Variants in HEG1 observed in about 807,000 individuals in gnomAD.
The protein encoded by HEG1 is protein HEG homolog 1.
In HEG1, 56 loss-of-function variants were observed where a neutral mutation model predicts 125.6. That is an observed-to-expected ratio of 0.45 (90% CI 0.36 to 0.56). HEG1 has a LOEUF of 0.56. Among genes scored for constraint, HEG1 ranks in the 20% least tolerant of loss-of-function variants. The pLI is 0.00. For synonymous variants in HEG1, 644 were observed against 668.5 expected (o/e 0.96, Z 0.57); for missense variants, 1,523 against 1,670.0 (o/e 0.91, Z 1.53).
chr3:125,037,819 T>C (rs557347040), intron 1 of HEG1, among the ~76,000 whole-genome samples: 7 of 152,338 alleles, frequency 4.6e-5, no homozygotes, highest in African/African-American at 1.7e-4. Flanking sequence ...AGTCAGACCA[T>C]GTAGGTTAGA....
chr3:125,032,083 T>C (rs925286777), intron 1 of HEG1, among the ~76,000 whole-genome samples: 1 of 152,242 alleles, frequency 6.6e-6, no homozygotes, highest in African/African-American at 2.4e-5. Context: ...GTGTTAAACA[T>C]TTAAAATCCA....
intron 5 of HEG1, among the ~76,000 whole-genome samples, chr3:125,016,774 T>C (rs997797015): frequency 2.6e-5 from 4 of 152,236 alleles, no homozygotes; most frequent in African/African-American, 9.7e-5. Context: ...TTTAAACCTA[T>C]TCAAAGCTTA....
chr3:125,035,882 C>G (rs187233341), intron 1 of HEG1, among the ~76,000 whole-genome samples: 1 of 151,964 alleles, frequency 6.6e-6, no homozygotes, highest in African/African-American at 2.4e-5. Flanking sequence ...ATAGCAGAAG[C>G]GTAACTTTGA....
chr3:125,046,149 C>T (rs898869307), intron 1 of HEG1, among the ~76,000 whole-genome samples: 3 of 152,050 alleles, frequency 2.0e-5, no homozygotes, highest in South Asian at 2.1e-4. Flanking sequence ...CAGAGCTCCA[C>T]GGCATCTCTC....
intron 1 of HEG1, among the ~76,000 whole-genome samples, chr3:125,038,271 G>A (rs923358482): frequency 2.6e-5 from 4 of 152,150 alleles, no homozygotes; most frequent in Non-Finnish European, 2.9e-5. Context: ...TCCACTCCAC[G>A]ACACCTCTCC....
intron 12 of HEG1, among the ~76,000 whole-genome samples, chr3:124,996,874 G>C (rs1387294623): frequency 6.6e-6 from 1 of 152,184 alleles, no homozygotes; most frequent in Non-Finnish European, 1.5e-5. Flanking sequence ...TCTGGTGATT[G>C]CAAGTTGCAG....
rs1392149253 is a variant in HEG1 at position 125,046,432 on chromosome 3, CACAT to C, written c.316+9139_316+9142del. 3.0e-3 allele frequency among the ~76,000 whole-genome samples: 292 copies of C among 96,068 alleles called. 1 individual carries two copies. The highest frequency in any genetic ancestry group is 0.015 in the African/African-American group (253 of 16,704). The allele number at this position is 96,068 out of a possible 152,430, so 63.0% of individuals were successfully genotyped here. ...ACACACACACACACACACACACACA[CACAT>C]ATATATTTTTTTAATTATACAGATG... On this transcript the variant is annotated intron_variant, in intron 1 of 16. Coordinates refer to ENST00000311127, the MANE Select transcript of HEG1 (RefSeq NM_020733.2).
chr3:125,039,051 G>A (rs1937571283), intron 1 of HEG1, among the ~76,000 whole-genome samples: 1 of 152,166 alleles, frequency 6.6e-6, no homozygotes, highest in South Asian at 2.1e-4. Flanking sequence ...CCATTTCTCA[G>A]GTATCTTTTG....
At chr3:125,036,854 T>C (rs114376019) in intron 1 of HEG1, among the ~76,000 whole-genome samples, 1,623 of 152,304 alleles carry the variant, frequency 0.011, 10 homozygotes, top group Non-Finnish European at 0.016. Flanking sequence ...TTGGTAAAAA[T>C]ACAATTAACA....
intron 11 of HEG1, among the ~76,000 whole-genome samples, chr3:125,000,842 G>A (rs1033273255): frequency 1.3e-5 from 2 of 152,216 alleles, no homozygotes; most frequent in Non-Finnish European, 2.9e-5. Flanking sequence ...TGCCAGATGG[G>A]TGGTTTAGAC....
chr3:125,027,291 C>A lies in HEG1; in HGVS notation c.827G>T (p.Arg276Met). Residue 276 changes from arginine to methionine, a missense_variant, in exon 3 of 17, where the codon AGG becomes ATG. Coordinates refer to ENST00000311127, the MANE Select transcript of HEG1 (RefSeq NM_020733.2). The part of the protein sequence containing the change: ...LEMGELTTPS[R>M]KRNSSGPDLS... ...ATCTGGTCCTGAGGAATTTCTCTTC[C>A]TAGAAGGCGTGGTCAGCTCTCCCAT... is the stretch of plus-strand genomic sequence containing the variant. 6.2e-7 allele frequency: 1 copy of A among 1,613,676 alleles called. No individual in the cohort carries two copies. The highest frequency in any genetic ancestry group is 8.5e-7 in the Non-Finnish European group (1 of 1,179,788).
chr3:124,973,388 G>T (rs996095524), intron 16 of HEG1, among the ~76,000 whole-genome samples: 1 of 152,146 alleles, frequency 6.6e-6, no homozygotes, highest in African/African-American at 2.4e-5. Flanking sequence ...TGGCAGACAG[G>T]AGATAAAAAT....
chr3:125,039,863 C>G lies in HEG1; in HGVS notation c.317-10375G>C, dbSNP rs564341546. ...AAAAAAAAAAAACAACAAAAAAAAA[C>G]AAGTCCCCCACAAAAAGCCAAACTG... On this transcript the variant is annotated intron_variant, in intron 1 of 16. Coordinates refer to ENST00000311127, the MANE Select transcript of HEG1 (RefSeq NM_020733.2). Among the ~76,000 whole-genome samples the G allele has an allele frequency of 5.3e-3, 744 of 140,826 alleles. 5 individuals carry two copies. Among genetic ancestry groups the G allele is most frequent in the South Asian group, 0.015 (66 of 4,282 alleles). 92.4% of individuals were successfully genotyped at this position (140,826 alleles called of 152,430 possible).
chr3:125,033,966 C>A (rs1937522767), intron 1 of HEG1, among the ~76,000 whole-genome samples: 2 of 151,880 alleles, frequency 1.3e-5, no homozygotes, highest in South Asian at 4.2e-4. Context: ...CCGGCCCACC[C>A]CACCCCGCCC....
At chr3:125,001,318 C>T (rs986121902) in intron 11 of HEG1, among the ~76,000 whole-genome samples, 2 of 151,836 alleles carry the variant, frequency 1.3e-5, no homozygotes, top group African/African-American at 4.8e-5. Context: ...CAGGGTCTCA[C>T]TCTGTGGCCC....
Position 125,013,957 on chromosome 3 carries a change from G to A in HEG1, c.1622C>T (p.Thr541Ile), listed in dbSNP as rs758833735. 5 of 1,612,344 alleles carry A rather than the reference G, an allele frequency of 3.1e-6. No homozygotes were observed. The African/African-American group carries it at 4.0e-5, about 13-fold the overall frequency. Reference sequence around the variant, plus strand: ...GCTGGAAGTCCTTTGTTCAATAGCTGTGCCACGCACTTGACCGTAGCTAAT... The same window carrying A: ...GCTGGAAGTCCTTTGTTCAATAGCTATGCCACGCACTTGACCGTAGCTAAT... ...AGISYGQVRGTAIEQRTSSDH... is the reference protein window; with the variant it reads ...AGISYGQVRGIAIEQRTSSDH... Residue 541 changes from threonine to isoleucine, a missense_variant, in exon 6 of 17, where the codon ACA becomes ATA. Coordinates refer to ENST00000311127, the MANE Select transcript of HEG1 (RefSeq NM_020733.2).
intron 5 of HEG1, among the ~76,000 whole-genome samples, chr3:125,016,896 A>G (rs1227323955): frequency 6.6e-6 from 1 of 152,226 alleles, no homozygotes; most frequent in Admixed American, 6.5e-5. Flanking sequence ...AGAAACATCA[A>G]AAGAAAAATT....
chr3:125,027,142 G>A, intron 3 of HEG1, 63 bp downstream of exon 3: 1 of 1,395,412 alleles, frequency 7.2e-7, no homozygotes, highest in South Asian at 1.5e-5. Flanking sequence ...AGCTGGCTAT[G>A]CACATTGATT....
intron 14 of HEG1, among the ~76,000 whole-genome samples, chr3:124,989,410 C>T (rs1246081539): frequency 2.0e-5 from 3 of 152,198 alleles, no homozygotes; most frequent in Non-Finnish European, 4.4e-5. Context: ...AAATAGTCCA[C>T]TGGCACATTT....
Sources: gnomAD v4.1 joint callset for allele counts (sites outside exome capture counted in the v4.1 genomes callset) on GRCh38, gnomAD v4.1.1 for gene constraint, MANE v1.5 for transcripts, NCBI Gene and HGNC (gene_info 2026-07-23, HGNC 2026-07-21) for gene names.